FUT9: variants seen among roughly 807,000 people sequenced by gnomAD.
FUT9 encodes 4-galactosyl-N-acetylglucosaminide 3-alpha-L-fucosyltransferase 9.
In FUT9, 15 loss-of-function variants were observed where a neutral mutation model predicts 29.7. The ratio of observed to expected loss-of-function variants is 0.51; its 90% confidence interval spans 0.34 to 0.78. The LOEUF is 0.78. Ranked by LOEUF, FUT9 falls within the 30% of genes least tolerant of loss-of-function variation. FUT9 has a pLI of 0.01. For synonymous variants in FUT9, 169 were observed against 153.7 expected (o/e 1.10, Z -0.74); for missense variants, 319 against 425.4 (o/e 0.75, Z 2.20).
intron 2 of FUT9, among the ~76,000 whole-genome samples, chr6:96,180,742 T>C (rs1773291143): frequency 6.6e-6 from 1 of 152,080 alleles, no homozygotes; most frequent in Admixed American, 6.6e-5. Flanking sequence ...GCCCAACTTA[T>C]GTCACTTAAT....
At chr6:96,082,484 T>C (rs1412888422) in intron 1 of FUT9, among the ~76,000 whole-genome samples, 1 of 151,878 alleles carries the variant, frequency 6.6e-6, no homozygotes, top group Admixed American at 6.6e-5. Flanking sequence ...ATTTCTGCCA[T>C]TGGCTATTTG....
intron 1 of FUT9, among the ~76,000 whole-genome samples, chr6:96,095,638 T>C (rs558363058): frequency 6.6e-6 from 1 of 152,298 alleles, no homozygotes; most frequent in East Asian, 1.9e-4. Flanking sequence ...ATTTTTTTTA[T>C]GGTTTACTTT....
intron 1 of FUT9, among the ~76,000 whole-genome samples, chr6:96,105,059 C>G (rs1466677472): frequency 6.6e-6 from 1 of 152,144 alleles, no homozygotes; most frequent in Non-Finnish European, 1.5e-5. Context: ...GCTCACGCCT[C>G]TAAGGAATAA....
At chr6:96,201,449 T>A (rs942331174) in intron 2 of FUT9, among the ~76,000 whole-genome samples, 1 of 152,020 alleles carries the variant, frequency 6.6e-6, no homozygotes, top group African/African-American at 2.4e-5. Flanking sequence ...CATTTCAAAT[T>A]TCTGGCCCTT....
At chr6:96,047,124 A>C (rs962170291) in intron 1 of FUT9, among the ~76,000 whole-genome samples, 2 of 152,194 alleles carry the variant, frequency 1.3e-5, no homozygotes, top group African/African-American at 4.8e-5. Context: ...TTGGAGCCCC[A>C]TTGAAGAATA....
At chr6:96,019,068 T>A (rs1232009664) in intron 1 of FUT9, among the ~76,000 whole-genome samples, 2 of 152,020 alleles carry the variant, frequency 1.3e-5, no homozygotes, top group African/African-American at 2.4e-5. Context: ...ACAAGTTTTT[T>A]AAAATAAAGC....
At chr6:96,053,852 G>T (rs1304051675) in intron 1 of FUT9, among the ~76,000 whole-genome samples, 3 of 152,048 alleles carry the variant, frequency 2.0e-5, no homozygotes, top group Non-Finnish European at 4.4e-5. Flanking sequence ...GGCTAAACTA[G>T]TCAGATAAAT....
At chr6:96,153,059 T>C (rs570071491) in intron 2 of FUT9, among the ~76,000 whole-genome samples, 5 of 152,296 alleles carry the variant, frequency 3.3e-5, no homozygotes, top group African/African-American at 4.8e-5. Context: ...ATTCTTCTCA[T>C]CAGTAAAAGT....
intron 2 of FUT9, among the ~76,000 whole-genome samples, chr6:96,174,641 A>G (rs1417198562): frequency 1.3e-5 from 2 of 152,216 alleles, no homozygotes; most frequent in Admixed American, 6.5e-5. Context: ...AAATACACAC[A>G]TTATGGTCTT....
chr6:96,137,915 A>C (rs1463434829), intron 2 of FUT9, among the ~76,000 whole-genome samples: 1 of 152,106 alleles, frequency 6.6e-6, no homozygotes, highest in Non-Finnish European at 1.5e-5. Context: ...GAGTTTATTT[A>C]AAAGTTACAT....
chr6:96,182,396 C>T (rs1773325852), intron 2 of FUT9, among the ~76,000 whole-genome samples: 1 of 151,870 alleles, frequency 6.6e-6, no homozygotes, highest in African/African-American at 2.4e-5. Flanking sequence ...CTGACTATTC[C>T]TTTTCCCATG....
intron 2 of FUT9, among the ~76,000 whole-genome samples, chr6:96,189,796 G>C (rs1368533232): frequency 6.6e-6 from 1 of 152,068 alleles, no homozygotes; most frequent in African/African-American, 2.4e-5. Flanking sequence ...GAGCCTATGT[G>C]TGTCTCTGCA....
intron 1 of FUT9, among the ~76,000 whole-genome samples, chr6:96,110,758 CA>C (rs1562128466): frequency 6.6e-6 from 1 of 151,744 alleles, no homozygotes; most frequent in African/African-American, 2.4e-5. Flanking sequence ...TGGGCTCAAG[CA>C]ATCTTCCCAC....
intron 1 of FUT9, among the ~76,000 whole-genome samples, chr6:96,091,342 C>T (rs1396836933): frequency 1.3e-5 from 2 of 151,946 alleles, no homozygotes; most frequent in African/African-American, 2.4e-5. Flanking sequence ...TTCAATTTTT[C>T]AGAAACCAAA....
intron 2 of FUT9, among the ~76,000 whole-genome samples, chr6:96,119,572 T>C (rs1771980839): frequency 6.6e-6 from 1 of 152,218 alleles, no homozygotes; most frequent in African/African-American, 2.4e-5. Context: ...TCATGTATTT[T>C]CTTAAATAAC....
chr6:96,049,778 G>A (rs1770631805), intron 1 of FUT9, among the ~76,000 whole-genome samples: 1 of 152,046 alleles, frequency 6.6e-6, no homozygotes, highest in Admixed American at 6.6e-5. Flanking sequence ...TTCATTCACA[G>A]AAAAGAGAGA....
At chr6:96,036,489 T>C (rs758438664) in intron 1 of FUT9, among the ~76,000 whole-genome samples, 6 of 151,882 alleles carry the variant, frequency 4.0e-5, no homozygotes, top group Non-Finnish European at 8.8e-5. Context: ...TGACTATCAG[T>C]AGAATTACTT....
At chr6:96,101,661 C>T (rs1217739156) in intron 1 of FUT9, among the ~76,000 whole-genome samples, 1 of 151,852 alleles carries the variant, frequency 6.6e-6, no homozygotes, top group Non-Finnish European at 1.5e-5. Context: ...CTTTTACATA[C>T]TCCAATTCTG....
intron 1 of FUT9, among the ~76,000 whole-genome samples, chr6:96,081,542 T>C (rs932162310): frequency 6.6e-5 from 10 of 151,890 alleles, no homozygotes; most frequent in African/African-American, 2.2e-4. Flanking sequence ...AATTCTAATA[T>C]GGGTAAATAT....
Sources: gnomAD v4.1 joint callset for allele counts (sites outside exome capture counted in the v4.1 genomes callset) on GRCh38, gnomAD v4.1.1 for gene constraint, MANE v1.5 for transcripts, NCBI Gene and HGNC (gene_info 2026-07-23, HGNC 2026-07-21) for gene names.